TTC29: variants seen among roughly 807,000 people sequenced by gnomAD.
TTC29 encodes the protein tetratricopeptide repeat domain 29.
Under a neutral mutation model 58.1 loss-of-function variants are expected in TTC29, and 49 were observed. The ratio of observed to expected loss-of-function variants is 0.84; its 90% CI spans 0.67 to 1.07. The LOEUF (loss-of-function observed/expected upper bound fraction) is 1.07. Ranked by LOEUF, TTC29 falls within the 50% of genes least tolerant of loss-of-function variation. The probability of loss-of-function intolerance (pLI) is 0.00; values close to 1 mark genes in which losing one functional copy is unlikely to be tolerated. For missense variants in TTC29, 582 were observed against 555.6 expected, an observed-to-expected ratio of 1.05 and a Z score of -0.48; for synonymous variants, 209 against 196.8, an observed-to-expected ratio of 1.06 and a Z score of -0.52.
At chr4:146,942,733 T>C in intron 2 of TTC29, 1 of 977,386 alleles carries the variant, frequency 1.0e-6, no homozygotes, top group African/African-American at 1.6e-5. Context: ...TTTGCCTCAT[T>C]TGGGGCATTC....
Position 146,902,749 on chromosome 4 carries a change from C to A in TTC29, c.586+795G>T, listed in dbSNP as rs140940531. The stretch of plus-strand genomic sequence containing the variant: ...CTTCTGACAATGTTCAGGCGCCTTG[C>A]GAGCTTTAGCTACAATCACATGAAC... On this transcript the variant is annotated intron_variant, in intron 6 of 12. Transcript: ENST00000325106. 4.2e-3 allele frequency among the ~76,000 whole-genome samples: 642 copies of A among 152,234 alleles called. 5 individuals carry two copies. The highest frequency in any genetic ancestry group is 0.015 in the African/African-American group (613 of 41,552).
chr4:146,762,434 C>T (rs1003033257), intron 11 of TTC29, among the ~76,000 whole-genome samples: 6 of 150,598 alleles, frequency 4.0e-5, no homozygotes, highest in African/African-American at 1.5e-4. Flanking sequence ...TTACTGAGAT[C>T]CCACTGCTGT....
intron 11 of TTC29, among the ~76,000 whole-genome samples, chr4:146,748,656 A>G (rs1345318329): frequency 6.6e-6 from 1 of 152,202 alleles, no homozygotes; most frequent in Non-Finnish European, 1.5e-5. Context: ...TGAAGAAGCT[A>G]CATGGAGACT....
chr4:146,943,474 A>G (rs1416896605), intron 2 of TTC29, among the ~76,000 whole-genome samples: 1 of 152,098 alleles, frequency 6.6e-6, no homozygotes, highest in Non-Finnish European at 1.5e-5. Flanking sequence ...CAATCAATCT[A>G]TGTTGGACAG....
chr4:146,892,031 C>A (rs189452497), intron 6 of TTC29, among the ~76,000 whole-genome samples: 23 of 152,188 alleles, frequency 1.5e-4, no homozygotes, highest in Admixed American at 1.4e-3. Context: ...CGGTTTAGAT[C>A]TGTGTCCCCT....
chr4:146,717,174 T>G (rs1742994912), intron 11 of TTC29, among the ~76,000 whole-genome samples: 2 of 152,180 alleles, frequency 1.3e-5, no homozygotes, highest in African/African-American at 2.4e-5. Flanking sequence ...TGGCTGTTGC[T>G]CAGTTGCAAC....
chr4:146,737,497 G>A (rs976883576), intron 11 of TTC29, among the ~76,000 whole-genome samples: 7 of 149,616 alleles, frequency 4.7e-5, no homozygotes, highest in African/African-American at 1.5e-4. Context: ...GATTCCCAGC[G>A]AGAGAGATAG....
chr4:146,731,584 TA>T (rs887477977), intron 11 of TTC29, among the ~76,000 whole-genome samples: 15 of 152,080 alleles, frequency 9.9e-5, no homozygotes, highest in Non-Finnish European at 1.6e-4. Flanking sequence ...TTTAAGCTGC[TA>T]AAAAAAAGTA....
intron 11 of TTC29, among the ~76,000 whole-genome samples, chr4:146,747,879 A>G (rs973512202): frequency 2.6e-5 from 4 of 152,184 alleles, no homozygotes; most frequent in African/African-American, 4.8e-5. Flanking sequence ...ACCTACCTGG[A>G]ACTTGACTAG....
chr4:146,776,881 G>T (rs1161781455), intron 11 of TTC29, among the ~76,000 whole-genome samples: 1 of 152,250 alleles, frequency 6.6e-6, no homozygotes, highest in Non-Finnish European at 1.5e-5. Flanking sequence ...ATTTGTGCTA[G>T]CAGCAGTGGG....
intron 8 of TTC29, among the ~76,000 whole-genome samples, chr4:146,860,492 G>A (rs1730156880): frequency 6.6e-6 from 1 of 152,048 alleles, no homozygotes; most frequent in Non-Finnish European, 1.5e-5. Context: ...CCCAGTGGAT[G>A]CCTGAAACTT....
intron 11 of TTC29, among the ~76,000 whole-genome samples, chr4:146,751,031 T>A (rs555809433): frequency 2.0e-5 from 3 of 152,236 alleles, no homozygotes; most frequent in African/African-American, 7.2e-5. Flanking sequence ...ACACCCCACA[T>A]AAATGGTAAC....
intron 8 of TTC29, among the ~76,000 whole-genome samples, chr4:146,851,654 G>A (rs1006182768): frequency 2.0e-5 from 3 of 152,162 alleles, no homozygotes; most frequent in Non-Finnish European, 4.4e-5. Context: ...TGATTACACT[G>A]CTTTCAGAAA....
chr4:146,867,625 T>A (rs940160400), intron 7 of TTC29, 42 bp from the exon 8 acceptor site: 1 of 946,578 alleles, frequency 1.1e-6, no homozygotes, highest in Non-Finnish European at 1.6e-6. Flanking sequence ...ATTCAATAAA[T>A]GATTTATTAC....
chr4:146,843,054 G>T (rs1390093909), intron 8 of TTC29, among the ~76,000 whole-genome samples: 1 of 152,144 alleles, frequency 6.6e-6, no homozygotes, highest in African/African-American at 2.4e-5. Flanking sequence ...AGTGGCTAAT[G>T]ATTTCTGACA....
chr4:146,840,699 T>C (rs1728800364), intron 8 of TTC29, among the ~76,000 whole-genome samples: 1 of 152,040 alleles, frequency 6.6e-6, no homozygotes, highest in Admixed American at 6.6e-5. Context: ...ATGAAATAAA[T>C]AAATAAATGA....
intron 4 of TTC29, among the ~76,000 whole-genome samples, chr4:146,937,348 T>G (rs1169861638): frequency 6.6e-6 from 1 of 152,018 alleles, no homozygotes; most frequent in East Asian, 1.9e-4. Context: ...CAGACTTAAC[T>G]AAATATTGCA....
chr4:146,799,350 G>T (rs1029575715), intron 11 of TTC29, among the ~76,000 whole-genome samples: 22 of 152,118 alleles, frequency 1.4e-4, no homozygotes, highest in Admixed American at 2.0e-4. Flanking sequence ...AATAAAAGCT[G>T]AGGATCACTA....
At chr4:146,909,864 T>C (rs2150284691) in intron 4 of TTC29, among the ~76,000 whole-genome samples, 1 of 151,718 alleles carries the variant, frequency 6.6e-6, no homozygotes, top group Admixed American at 6.6e-5. Flanking sequence ...AGGTGCTGAG[T>C]TTCCTACTAA....
Sources: allele counts gnomAD v4.1 joint callset (sites outside exome capture counted in the v4.1 genomes callset), GRCh38; gene constraint gnomAD v4.1.1; transcripts MANE v1.5; gene names NCBI Gene and HGNC (gene_info 2026-07-23, HGNC 2026-07-21).